Variants in ZNF423 observed in about 807,000 individuals in gnomAD.
ZNF423 encodes the protein zinc finger protein 423.
A neutral mutation model predicts 95.8 loss-of-function variants in ZNF423; 12 were observed. That is an observed-to-expected ratio of 0.13 (90% CI 0.08 to 0.20). The LOEUF is 0.20. Among genes scored for constraint, ZNF423 ranks in the 10% least tolerant of loss-of-function variants. ZNF423 has a pLI of 1.00. For synonymous variants in ZNF423, 749 were observed against 711.9 expected, an observed-to-expected ratio of 1.05 and a Z score of -0.83; for missense variants, 1,316 against 1,737.1, an observed-to-expected ratio of 0.76 and a Z score of 4.31.
At chr16:49,541,511 T>C (rs1307946794) in intron 5 of ZNF423, among the ~76,000 whole-genome samples, 3 of 152,218 alleles carry the variant, frequency 2.0e-5, no homozygotes, top group African/African-American at 7.2e-5. Flanking sequence ...AGGACACACA[T>C]TAAGGTGTTA....
intron 2 of ZNF423, among the ~76,000 whole-genome samples, chr16:49,757,385 G>A (rs1482206989): frequency 1.3e-5 from 2 of 152,210 alleles, no homozygotes; most frequent in African/African-American, 2.4e-5. Context: ...CTGTTCCCAT[G>A]TAGAGAAGAT....
At chr16:49,515,565 G>C (rs572790722) in intron 7 of ZNF423, among the ~76,000 whole-genome samples, 1 of 152,310 alleles carries the variant, frequency 6.6e-6, no homozygotes, top group South Asian at 2.1e-4. Flanking sequence ...ATGGGGATGA[G>C]AGTACCTTGT....
At chr16:49,594,844 C>G (rs1971132491) in intron 5 of ZNF423, among the ~76,000 whole-genome samples, 1 of 152,182 alleles carries the variant, frequency 6.6e-6, no homozygotes, top group Non-Finnish European at 1.5e-5. Flanking sequence ...CACAGACATA[C>G]CCTCAGGAGC....
intron 5 of ZNF423, among the ~76,000 whole-genome samples, chr16:49,625,876 C>T (rs1210900036): frequency 6.6e-6 from 1 of 152,146 alleles, no homozygotes; most frequent in Non-Finnish European, 1.5e-5. Flanking sequence ...CATAATTGCT[C>T]CTGAGTGCTT....
intron 5 of ZNF423, among the ~76,000 whole-genome samples, chr16:49,538,404 C>T (rs781185483): frequency 2.0e-5 from 3 of 152,166 alleles, no homozygotes; most frequent in African/African-American, 4.8e-5. Context: ...AAAGCACATG[C>T]GACAGACACC....
At chr16:49,606,758 G>A (rs547087985) in intron 5 of ZNF423, among the ~76,000 whole-genome samples, 1 of 152,326 alleles carries the variant, frequency 6.6e-6, no homozygotes, top group South Asian at 2.1e-4. Flanking sequence ...AGAACACAGC[G>A]AGGAACATTC....
chr16:49,817,217 G>A (rs574052001), intron 1 of ZNF423, among the ~76,000 whole-genome samples: 6 of 152,210 alleles, frequency 3.9e-5, no homozygotes, highest in South Asian at 2.1e-4. Flanking sequence ...GGCCTTGCAC[G>A]GAGTCCTAGC....
chr16:49,855,172 G>T lies in ZNF423; in HGVS notation c.40+563C>A, dbSNP rs2035347177. Among the ~76,000 whole-genome samples, 3 of 127,472 alleles carry T rather than the reference G, an allele frequency of 2.4e-5. No individual in the cohort carries two copies. The Admixed American group carries it at 2.7e-4, about 11-fold the overall frequency. 83.6% of individuals were successfully genotyped at this position (127,472 alleles called of 152,430 possible). On this transcript the variant is annotated intron_variant, in intron 1 of 7. Coordinates refer to ENST00000563137, the MANE Select transcript of ZNF423 (RefSeq NM_001379286.1). This position sits in a 1 kb window ranked among gnomAD's most constrained non-coding sequence, Gnocchi z 4.7. ...GGCGCCAGGCGGCCGGGGCGAGGGC[G>T]CGGCGCCCGGGGCGCTCGCCGACAG... is the stretch of plus-strand genomic sequence containing the variant.
At chr16:49,657,897 C>CATGG (rs2029970921) in intron 3 of ZNF423, among the ~76,000 whole-genome samples, 1 of 152,182 alleles carries the variant, frequency 6.6e-6, no homozygotes, top group Non-Finnish European at 1.5e-5. Flanking sequence ...CTCCACAGCC[C>CATGG]CTAATCTGCA....
chr16:49,739,672 C>A (rs1428617364), intron 2 of ZNF423, among the ~76,000 whole-genome samples: 1 of 148,818 alleles, frequency 6.7e-6, no homozygotes, highest in Non-Finnish European at 1.5e-5. Flanking sequence ...TGGAGCAACA[C>A]GTTTGTTTTT....
intron 5 of ZNF423, among the ~76,000 whole-genome samples, chr16:49,550,441 G>C (rs2060863935): frequency 6.6e-6 from 1 of 152,248 alleles, no homozygotes; most frequent in Admixed American, 6.5e-5. Context: ...CTGCAATGTG[G>C]AAAACACTGC....
chr16:49,581,609 T>C (rs1056209468), intron 5 of ZNF423, among the ~76,000 whole-genome samples: 12 of 152,132 alleles, frequency 7.9e-5, no homozygotes, highest in East Asian at 1.9e-4. Context: ...CTGTAAAAAA[T>C]TGTAGTTAAA....
At chr16:49,586,106 T>A (rs1184181247) in intron 5 of ZNF423, among the ~76,000 whole-genome samples, 1 of 152,200 alleles carries the variant, frequency 6.6e-6, no homozygotes, top group Non-Finnish European at 1.5e-5. Context: ...AGAGCACTGC[T>A]AACTCTCCTG....
intron 2 of ZNF423, among the ~76,000 whole-genome samples, chr16:49,732,173 C>T (rs112691288): frequency 2.5e-4 from 38 of 152,294 alleles, no homozygotes; most frequent in African/African-American, 7.0e-4. Context: ...ACAGCCCAAG[C>T]ACCCTACAGA....
At position 49,523,530 on chromosome 16, in the gene ZNF423, A is replaced by C. The variant is rs2287313; in HGVS notation, c.3849+94T>G. 0.55 allele frequency: 573,555 copies of C among 1,034,490 alleles called. 162,096 individuals carry two copies. The highest frequency in any genetic ancestry group is 0.79 in the African/African-American group (50,641 of 64,290). The allele number at this position is 1,034,490 out of a possible 1,614,324, so 64.1% of individuals were successfully genotyped here. On this transcript the variant is annotated intron_variant, in intron 7 of 7. Coordinates refer to ENST00000563137, the MANE Select transcript of ZNF423 (RefSeq NM_001379286.1). ...CTGATTGCAGACCTGCCAGCATAAG[A>C]CTCCACCAGCTTGCCTTAACCCTGA...
intron 5 of ZNF423, among the ~76,000 whole-genome samples, chr16:49,614,952 G>A (rs1238167681): frequency 1.3e-5 from 2 of 152,142 alleles, no homozygotes; most frequent in Non-Finnish European, 2.9e-5. Context: ...CCAACATGGT[G>A]AAACCCCATC....
intron 2 of ZNF423, among the ~76,000 whole-genome samples, chr16:49,744,699 T>A (rs1003177840): frequency 1.3e-5 from 2 of 152,144 alleles, no homozygotes; most frequent in Non-Finnish European, 2.9e-5. Flanking sequence ...ATGGGGGGAT[T>A]AGCCACAGGC....
chr16:49,838,612 C>A (rs2144084079), intron 1 of ZNF423, among the ~76,000 whole-genome samples: 1 of 152,242 alleles, frequency 6.6e-6, no homozygotes, highest in Non-Finnish European at 1.5e-5. Flanking sequence ...CGCAGCCCAC[C>A]CAAGGGCGGC....
chr16:49,849,149 C>T (rs1261943904), intron 1 of ZNF423, among the ~76,000 whole-genome samples: 2 of 152,116 alleles, frequency 1.3e-5, no homozygotes, highest in South Asian at 2.1e-4. Context: ...CTGATAGGAT[C>T]GCCTTATGAT....
Sources: allele counts gnomAD v4.1 joint callset (sites outside exome capture counted in the v4.1 genomes callset), GRCh38; gene constraint gnomAD v4.1.1; non-coding constraint Gnocchi (gnomAD v3.1); transcripts MANE v1.5; gene names NCBI Gene and HGNC (gene_info 2026-07-23, HGNC 2026-07-21).